The following EPHA7 variants were observed in gnomAD, a reference collection of about 807,000 sequenced individuals.
EPHA7 encodes EPH receptor A7, also known as ephrin type-A receptor 7.
EPHA7 carries 25 observed loss-of-function variants against 112.6 expected under a neutral mutation model. That is an observed-to-expected ratio of 0.22 (90% CI 0.16 to 0.31). EPHA7 has a LOEUF of 0.31. EPHA7 is among the 10% of genes least tolerant of loss of function. EPHA7 has a pLI of 1.00. For missense variants in EPHA7, 962 were observed against 1,212.6 expected, an observed-to-expected ratio of 0.79 and a Z score of 3.07; for synonymous variants, 437 against 406.5, an observed-to-expected ratio of 1.07 and a Z score of -0.90.
At chr6:93,419,138 C>A (rs964429028) in intron 1 of EPHA7, 107 bp downstream of exon 1, 2 of 856,928 alleles carry the variant, frequency 2.3e-6, no homozygotes, top group East Asian at 6.4e-5. Flanking sequence ...GGGGGAGGGT[C>A]GCCCGGCGCC....
chr6:93,324,150 C>T (rs1446969156), intron 5 of EPHA7, among the ~76,000 whole-genome samples: 1 of 151,386 alleles, frequency 6.6e-6, no homozygotes, highest in African/African-American at 2.4e-5. Context: ...TGCAAAATTA[C>T]TGTTAATGGA....
chr6:93,352,703 G>A (rs1429904260), intron 5 of EPHA7, among the ~76,000 whole-genome samples: 1 of 151,986 alleles, frequency 6.6e-6, no homozygotes, highest in Non-Finnish European at 1.5e-5. Context: ...ATATTAAAAA[G>A]CAGCACTTAA....
At chr6:93,303,521 T>C (rs1369873348) in intron 5 of EPHA7, among the ~76,000 whole-genome samples, 2 of 152,148 alleles carry the variant, frequency 1.3e-5, no homozygotes, top group East Asian at 1.9e-4. Context: ...GAATGTTTGT[T>C]GATGGCTGCA....
chr6:93,335,891 T>G (rs2127911076), intron 5 of EPHA7, among the ~76,000 whole-genome samples: 1 of 152,222 alleles, frequency 6.6e-6, no homozygotes, highest in South Asian at 2.1e-4. Flanking sequence ...ATTCATTTCT[T>G]GATATAATCC....
chr6:93,367,327 T>C (rs1776564668), intron 3 of EPHA7, among the ~76,000 whole-genome samples: 6 of 152,174 alleles, frequency 3.9e-5, no homozygotes, highest in African/African-American at 1.2e-4. Flanking sequence ...TGTTCTCATA[T>C]TTACTAAAGT....
At chr6:93,315,633 T>A (rs766376800) in intron 5 of EPHA7, among the ~76,000 whole-genome samples, 2 of 152,206 alleles carry the variant, frequency 1.3e-5, no homozygotes, top group African/African-American at 2.4e-5. Flanking sequence ...CTCTTGTAGA[T>A]GAATAAGTGA....
rs544129896 is a variant in EPHA7 at position 93,292,145 on chromosome 6, A to C, written c.1325-19723T>G. 2.0e-4 allele frequency among the ~76,000 whole-genome samples: 31 copies of C among 152,354 alleles called. No homozygotes were observed. The South Asian group carries it at 6.2e-3, about 31-fold the overall frequency. ...ACACTCCTTCACAAGATTTGAAGTC[A>C]TGCAAGAAAAGGCACAATCCCAGCT... On this transcript the variant is annotated intron_variant, in intron 5 of 16. Coordinates refer to ENST00000369303, the MANE Select transcript of EPHA7 (RefSeq NM_004440.4).
chr6:93,391,290 C>T (rs908016153), intron 3 of EPHA7, among the ~76,000 whole-genome samples: 6 of 151,926 alleles, frequency 3.9e-5, no homozygotes, highest in African/African-American at 1.4e-4. Context: ...ATGGAAACTT[C>T]TGTGGCATCT....
intron 5 of EPHA7, among the ~76,000 whole-genome samples, chr6:93,282,094 C>A (rs1771772261): frequency 6.6e-6 from 1 of 151,994 alleles, no homozygotes; most frequent in Non-Finnish European, 1.5e-5. Flanking sequence ...TAATAATACT[C>A]TGGAAATTCA....
chr6:93,259,935 TA>T (rs1379186095), intron 9 of EPHA7, among the ~76,000 whole-genome samples: 1 of 151,958 alleles, frequency 6.6e-6, no homozygotes, highest in East Asian at 1.9e-4. Flanking sequence ...ACAGCAATAT[TA>T]AAAACATTTA....
At chr6:93,273,313 G>GTAC (rs1562060249) in intron 5 of EPHA7, among the ~76,000 whole-genome samples, 3 of 151,786 alleles carry the variant, frequency 2.0e-5, no homozygotes. Flanking sequence ...AATTTCAGTG[G>GTAC]GGTCATTATG....
intron 1 of EPHA7, 121 bp downstream of exon 1, chr6:93,419,124 C>G: frequency 1.4e-6 from 1 of 712,646 alleles, no homozygotes; most frequent in Non-Finnish European, 2.1e-6. Flanking sequence ...GGCGGGGAGC[C>G]GGCGGGGGAG....
chr6:93,381,706 G>A (rs1777343554), intron 3 of EPHA7, among the ~76,000 whole-genome samples: 2 of 146,634 alleles, frequency 1.4e-5, no homozygotes, highest in South Asian at 2.2e-4. Context: ...GGAATTCTGT[G>A]ACAAAGATTT....
chr6:93,397,985 C>G (rs945950247), intron 3 of EPHA7, among the ~76,000 whole-genome samples: 1 of 151,688 alleles, frequency 6.6e-6, no homozygotes, highest in Non-Finnish European at 1.5e-5. Flanking sequence ...TATGTATGTT[C>G]TTTTACAGAT....
intron 5 of EPHA7, among the ~76,000 whole-genome samples, chr6:93,306,961 A>T (rs1217326939): frequency 2.6e-5 from 4 of 151,978 alleles, no homozygotes; most frequent in Non-Finnish European, 5.9e-5. Flanking sequence ...AACAGAAAAT[A>T]TCATAGGGGA....
At chr6:93,364,535 CAAAAAAAAA>C (rs35503890) in intron 3 of EPHA7, among the ~76,000 whole-genome samples, 22 of 90,352 alleles carry the variant, frequency 2.4e-4, no homozygotes, top group African/African-American at 8.4e-4. Flanking sequence ...AACTCCGTCT[CAAAAAAAAA>C]AAAAAAAAAA....
intron 3 of EPHA7, among the ~76,000 whole-genome samples, chr6:93,361,484 C>T (rs987067761): frequency 2.0e-5 from 3 of 151,942 alleles, no homozygotes; most frequent in East Asian, 1.9e-4. Flanking sequence ...GATATCTACA[C>T]GAAATACTTA....
intron 5 of EPHA7, among the ~76,000 whole-genome samples, chr6:93,316,265 T>TTA (rs1224285889): frequency 5.9e-5 from 9 of 152,298 alleles, no homozygotes; most frequent in Non-Finnish European, 1.5e-5. Flanking sequence ...TTATTTATGT[T>TTA]TAAGAATAAT....
intron 5 of EPHA7, among the ~76,000 whole-genome samples, chr6:93,321,883 A>T (rs1181295419): frequency 6.6e-6 from 1 of 151,906 alleles, no homozygotes; most frequent in East Asian, 1.9e-4. Flanking sequence ...AAAAAGCCAT[A>T]AGGCATTTTG....
Sources: allele counts gnomAD v4.1 joint callset (sites outside exome capture counted in the v4.1 genomes callset), GRCh38; gene constraint gnomAD v4.1.1; transcripts MANE v1.5; gene names NCBI Gene and HGNC (gene_info 2026-07-23, HGNC 2026-07-21).